Variants in PDE4D observed in about 807,000 individuals in gnomAD.
PDE4D encodes 3',5'-cyclic-AMP phosphodiesterase 4D.
A neutral mutation model predicts 87.4 loss-of-function variants in PDE4D; 24 were observed. The ratio of observed to expected loss-of-function variants is 0.27; its 90% CI spans 0.20 to 0.39. PDE4D has a LOEUF of 0.39. Ranked by LOEUF, PDE4D falls within the 10% of genes least tolerant of loss-of-function variation. The pLI, the probability that PDE4D is intolerant of heterozygous loss-of-function variation, is 1.00. For missense variants in PDE4D, 714 were observed against 1,041.0 expected, an observed-to-expected ratio of 0.69 and a Z score of 4.32; for synonymous variants, 384 against 383.2, an observed-to-expected ratio of 1.00 and a Z score of -0.02.
intron 1 of PDE4D, among the ~76,000 whole-genome samples, chr5:59,228,799 TCTCC>T (rs1250116096): frequency 6.6e-6 from 1 of 152,070 alleles, no homozygotes; most frequent in Non-Finnish European, 1.5e-5. Flanking sequence ...TACCTACATC[TCTCC>T]CTCTTGTTCA....
At chr5:59,982,375 G>C (rs1335332257) in intron 3 of PDE4D, among the ~76,000 whole-genome samples, 2 of 152,102 alleles carry the variant, frequency 1.3e-5, no homozygotes, top group East Asian at 3.9e-4. Flanking sequence ...TGTAAGTAGA[G>C]AGTTTTATTG....
At chr5:60,438,806 A>G (rs1010110308) in intron 1 of PDE4D, among the ~76,000 whole-genome samples, 1 of 152,158 alleles carries the variant, frequency 6.6e-6, no homozygotes, top group Non-Finnish European at 1.5e-5. Context: ...AATTAAAATT[A>G]AAACAAAGTA....
chr5:59,443,278 T>C (rs1372187755), intron 1 of PDE4D, among the ~76,000 whole-genome samples: 3 of 152,182 alleles, frequency 2.0e-5, no homozygotes, highest in East Asian at 1.9e-4. Context: ...AAAAAATTGA[T>C]TGCGTAGTTT....
At chr5:59,582,077 G>C (rs1039679143) in intron 1 of PDE4D, among the ~76,000 whole-genome samples, 2 of 152,044 alleles carry the variant, frequency 1.3e-5, no homozygotes, top group African/African-American at 2.4e-5. Context: ...CTGGCAGTCT[G>C]GTATTTATAT....
At chr5:60,167,430 G>A (rs995314952) in intron 2 of PDE4D, among the ~76,000 whole-genome samples, 2 of 151,326 alleles carry the variant, frequency 1.3e-5, no homozygotes, top group South Asian at 2.1e-4. Flanking sequence ...CACCTCGCCC[G>A]GCTAATTTTT....
At chr5:59,988,705 T>C (rs372843755) in exon 3 of PDE4D, 1 of 1,589,844 alleles carries the variant, frequency 6.3e-7, no homozygotes. Flanking sequence ...GAATGTAGTG[T>C]TTCCTCAGAG....
intron 3 of PDE4D, among the ~76,000 whole-genome samples, chr5:59,978,043 T>C (rs1291208247): frequency 1.3e-5 from 2 of 152,196 alleles, no homozygotes; most frequent in East Asian, 1.9e-4. Context: ...TGACTGTTCA[T>C]TGACAATGCA....
chr5:59,762,046 G>A (rs1762030128), intron 1 of PDE4D, among the ~76,000 whole-genome samples: 1 of 151,884 alleles, frequency 6.6e-6, no homozygotes, highest in Admixed American at 6.6e-5. Flanking sequence ...GTCCACCATT[G>A]ACTGAAATGC....
chr5:60,477,544 T>C (rs553011469), intron 1 of PDE4D, among the ~76,000 whole-genome samples: 18 of 152,204 alleles, frequency 1.2e-4, no homozygotes, highest in Non-Finnish European at 2.1e-4. Context: ...GGAAAAAAGG[T>C]GAAATGACTT....
At chr5:59,351,525 C>T (rs537581331) in intron 1 of PDE4D, among the ~76,000 whole-genome samples, 1 of 152,228 alleles carries the variant, frequency 6.6e-6, no homozygotes, top group East Asian at 1.9e-4. Context: ...CTTCTGGCTC[C>T]TCTGAACAGC....
intron 1 of PDE4D, among the ~76,000 whole-genome samples, chr5:59,701,194 C>T (rs865888488): frequency 1.3e-5 from 2 of 152,100 alleles, no homozygotes; most frequent in African/African-American, 2.4e-5. Context: ...TTCCTCTCTC[C>T]ACCCTACATT....
At chr5:59,456,248 C>T (rs947205585) in intron 1 of PDE4D, among the ~76,000 whole-genome samples, 1 of 152,148 alleles carries the variant, frequency 6.6e-6, no homozygotes. Flanking sequence ...GGGGGAAACC[C>T]AGTGGGAGGT....
At chr5:59,268,517 C>T (rs543480656) in intron 1 of PDE4D, among the ~76,000 whole-genome samples, 2 of 152,116 alleles carry the variant, frequency 1.3e-5, no homozygotes, top group South Asian at 2.1e-4. Flanking sequence ...GGCACCAATC[C>T]CTGGAGAGAT....
intron 1 of PDE4D, among the ~76,000 whole-genome samples, chr5:59,700,340 T>C (rs893015346): frequency 6.6e-6 from 1 of 152,220 alleles, no homozygotes; most frequent in Non-Finnish European, 1.5e-5. Flanking sequence ...ATGACACTTT[T>C]ATTTTCCTTC....
intron 1 of PDE4D, among the ~76,000 whole-genome samples, chr5:59,810,172 A>G (rs778787973): frequency 1.3e-5 from 2 of 152,152 alleles, no homozygotes; most frequent in Non-Finnish European, 2.9e-5. Context: ...AAACATCAAA[A>G]CGTGGCGTGG....
At chr5:59,391,208 T>TA (rs1195401087) in intron 1 of PDE4D, among the ~76,000 whole-genome samples, 3 of 152,096 alleles carry the variant, frequency 2.0e-5, no homozygotes, top group African/African-American at 7.2e-5. Flanking sequence ...GTGGGAAAGT[T>TA]AAAGATGGCC....
intron 2 of PDE4D, among the ~76,000 whole-genome samples, chr5:60,067,408 T>C (rs1052076832): frequency 6.6e-6 from 1 of 152,096 alleles, no homozygotes; most frequent in Non-Finnish European, 1.5e-5. Flanking sequence ...TTCCCTTTAA[T>C]TTCCTTATAA....
At chr5:59,072,892 C>T (rs775310230) in intron 5 of PDE4D, among the ~76,000 whole-genome samples, 3 of 152,014 alleles carry the variant, frequency 2.0e-5, no homozygotes, top group Non-Finnish European at 4.4e-5. Context: ...TTAGGATGAC[C>T]GATTCTGAAG....
intron 1 of PDE4D, among the ~76,000 whole-genome samples, chr5:59,514,940 T>G (rs2153670328): frequency 6.6e-6 from 1 of 152,338 alleles, no homozygotes; most frequent in Non-Finnish European, 1.5e-5. Context: ...GGTTAAAAAG[T>G]CTAAACCAAA....
Sources: gnomAD v4.1 joint callset for allele counts (sites outside exome capture counted in the v4.1 genomes callset) on GRCh38, gnomAD v4.1.1 for gene constraint, MANE v1.5 for transcripts, NCBI Gene and HGNC (gene_info 2026-07-23, HGNC 2026-07-21) for gene names.